Variants in PPP2R5C observed in about 807,000 individuals in gnomAD.
PPP2R5C encodes the protein serine/threonine-protein phosphatase 2A 56 kDa regulatory subunit gamma isoform.
PPP2R5C carries 7 observed loss-of-function variants against 68.9 expected under a neutral mutation model. That is an observed-to-expected ratio of 0.10 (90% confidence interval 0.06 to 0.19). The LOEUF is 0.19. Ranked by LOEUF, PPP2R5C falls within the 10% of genes least tolerant of loss-of-function variation. The pLI, the probability that PPP2R5C is intolerant of heterozygous loss-of-function variation, is 1.00. For synonymous variants in PPP2R5C, 210 were observed against 222.2 expected (o/e 0.95, Z 0.49); for missense variants, 348 against 641.3 (o/e 0.54, Z 4.94).
chr14:101,814,804 G>A (rs549352084), intron 1 of PPP2R5C, among the ~76,000 whole-genome samples: 24 of 152,288 alleles, frequency 1.6e-4, no homozygotes, highest in Admixed American at 3.9e-4. Context: ...ATAAAATTGC[G>A]AGGTGGTTCT....
intron 2 of PPP2R5C, among the ~76,000 whole-genome samples, chr14:101,770,955 T>C (rs1034272687): frequency 6.6e-6 from 1 of 152,260 alleles, no homozygotes; most frequent in African/African-American, 2.4e-5. Context: ...CCTTAAACAC[T>C]GGGTACCTGC....
intron 1 of PPP2R5C, chr14:101,818,364 A>C (rs1490987894): frequency 6.6e-6 from 1 of 152,206 alleles, no homozygotes; most frequent in Non-Finnish European, 1.5e-5. Flanking sequence ...TTACAGGCGC[A>C]GTGCCTCACA....
At chr14:101,860,489 T>C (rs1215858205) in intron 2 of PPP2R5C, among the ~76,000 whole-genome samples, 1 of 152,232 alleles carries the variant, frequency 6.6e-6, no homozygotes, top group African/African-American at 2.4e-5. Flanking sequence ...GAATGACTGT[T>C]GTGAACATTG....
intron 2 of PPP2R5C, among the ~76,000 whole-genome samples, chr14:101,774,383 A>G (rs1448913891): frequency 5.9e-5 from 9 of 152,186 alleles, no homozygotes; most frequent in Non-Finnish European, 1.0e-4. Flanking sequence ...ATAACCACTC[A>G]GTTTACCAAT....
At chr14:101,921,845 C>T (rs736449) in intron 13 of PPP2R5C, 57,087 of 451,568 alleles carry the variant, frequency 0.13, 6,465 homozygotes, top group African/African-American at 0.43. Context: ...AACCATGTAT[C>T]TACCTATCCT....
chr14:101,801,575 A>G (rs2038863717), intron 3 of PPP2R5C, among the ~76,000 whole-genome samples: 1 of 152,262 alleles, frequency 6.6e-6, no homozygotes, highest in Non-Finnish European at 1.5e-5. Context: ...TTTTAGAACC[A>G]TAAATAAAAC....
intron 7 of PPP2R5C, among the ~76,000 whole-genome samples, chr14:101,893,982 C>G (rs755238639): frequency 1.3e-5 from 2 of 152,216 alleles, no homozygotes; most frequent in Non-Finnish European, 2.9e-5. Context: ...GCACAAGGCT[C>G]CTCTCTGCCA....
chr14:101,919,713 A>G (rs769302786), intron 13 of PPP2R5C, among the ~76,000 whole-genome samples: 6 of 152,178 alleles, frequency 3.9e-5, no homozygotes, highest in Non-Finnish European at 8.8e-5. Context: ...CACGCCTGTA[A>G]TCCCAGCACT....
At chr14:101,791,854 A>G (rs773814183) in intron 3 of PPP2R5C, among the ~76,000 whole-genome samples, 9 of 152,156 alleles carry the variant, frequency 5.9e-5, no homozygotes, top group Non-Finnish European at 1.2e-4. Flanking sequence ...GGTGTTTGAC[A>G]CATTTTGTTC....
intron 3 of PPP2R5C, among the ~76,000 whole-genome samples, chr14:101,798,750 T>C (rs1167056639): frequency 6.6e-6 from 1 of 152,240 alleles, no homozygotes; most frequent in East Asian, 1.9e-4. Flanking sequence ...AAAGCGCCCT[T>C]CCTTGGTCCT....
At chr14:101,874,137 G>A (rs140520437) in intron 2 of PPP2R5C, among the ~76,000 whole-genome samples, 4 of 152,248 alleles carry the variant, frequency 2.6e-5, no homozygotes, top group East Asian at 1.9e-4. Context: ...AATTTCATAC[G>A]TCATTTGGGG....
chr14:101,809,919 A>G (rs1338527486), exon 1 of PPP2R5C: 1 of 1,611,172 alleles, frequency 6.2e-7, no homozygotes, highest in Non-Finnish European at 8.5e-7. Context: ...TAAGGAGCCC[A>G]TTGCCTTTCC....
At chr14:101,905,318 C>T (rs568130251) in intron 9 of PPP2R5C, among the ~76,000 whole-genome samples, 1 of 152,020 alleles carries the variant, frequency 6.6e-6, no homozygotes, top group East Asian at 1.9e-4. Flanking sequence ...AGCACCACTG[C>T]ACTCCAGCCT....
chr14:101,864,587 G>A (rs564369947), intron 2 of PPP2R5C, among the ~76,000 whole-genome samples: 3 of 152,244 alleles, frequency 2.0e-5, no homozygotes, highest in Admixed American at 1.3e-4. Context: ...TTGCCTGGGC[G>A]CCCCAGAGAA....
At position 101,856,786 on chromosome 14, in the gene PPP2R5C, G is replaced by A. The variant is rs1208455571; in HGVS notation, c.195G>A (p.Trp65Ter). 1 of 1,613,998 alleles carries A rather than the reference G, an allele frequency of 6.2e-7. No homozygotes were observed. The highest frequency in any genetic ancestry group is 8.5e-7 in the Non-Finnish European group (1 of 1,179,972). ...CTGATCCACTAAGTGACCTAAAGTG[G>A]AAGGAAGTAAAACGAGCTGCTTTAA... Residue 65 changes from tryptophan (W) to a stop codon, truncating the protein, a stop_gained, in exon 2 of 14, where the codon TGG (tryptophan) becomes TGA (stop). Transcript: ENST00000334743. LOFTEE classifies it high-confidence loss of function.
chr14:101,922,475 C>T (rs1206615140), intron 13 of PPP2R5C, among the ~76,000 whole-genome samples: 2 of 136,158 alleles, frequency 1.5e-5, no homozygotes, highest in Non-Finnish European at 3.0e-5. Flanking sequence ...GGTGACAGAG[C>T]GAGACTCTGT....
chr14:101,912,509 G>A (rs780477368), intron 12 of PPP2R5C, 36 bp downstream of exon 14: 2 of 1,571,506 alleles, frequency 1.3e-6, no homozygotes, highest in South Asian at 2.4e-5. Context: ...AACGCCCAGG[G>A]TTACTTGAAT....
At chr14:101,761,530 G>T, upstream of PPP2R5C, among the ~76,000 whole-genome samples, 1 of 147,366 alleles carries the variant, frequency 6.8e-6, no homozygotes, top group Admixed American at 6.7e-5. Context: ...GGTACGTGGG[G>T]GCGCGTCGAC....
chr14:101,823,726 A>C (rs968956155), intron 1 of PPP2R5C: 1 of 1,036,476 alleles, frequency 9.6e-7, no homozygotes, highest in Non-Finnish European at 1.2e-6. Context: ...CCGGACCAGC[A>C]CTTGGGTTTT....
Sources: allele counts gnomAD v4.1 joint callset (sites outside exome capture counted in the v4.1 genomes callset), GRCh38; gene constraint gnomAD v4.1.1; transcripts MANE v1.5; gene names NCBI Gene and HGNC (gene_info 2026-07-23, HGNC 2026-07-21).